Variants in HYAL4 observed in about 807,000 individuals in gnomAD.
HYAL4 encodes the protein hyaluronidase 4.
A neutral mutation model predicts 35.2 loss-of-function variants in HYAL4; 37 were observed. That is an observed-to-expected ratio of 1.05 (90% CI 0.81 to 1.38). HYAL4 has a LOEUF of 1.38. Among genes scored for constraint, HYAL4 ranks in the 40% most tolerant of loss-of-function variants. The pLI is 0.00. For missense variants in HYAL4, 572 were observed against 572.4 expected, an observed-to-expected ratio of 1.00 and a Z score of 0.01; for synonymous variants, 198 against 203.2, an observed-to-expected ratio of 0.97 and a Z score of 0.22.
chr7:123,808,371 TACAC>T, the HYAL4 span, among the ~76,000 whole-genome samples: 7 of 150,524 alleles, frequency 4.7e-5, no homozygotes, highest in South Asian at 8.4e-4. Context: ...TAGAAATGTG[TACAC>T]ACACACACAC....
At chr7:123,774,607 A>G in the HYAL4 span, among the ~76,000 whole-genome samples, 1,871 of 152,234 alleles carry the variant, frequency 0.012, 38 homozygotes, top group African/African-American at 0.042. Flanking sequence ...TTGAAATGCA[A>G]AGCAGACTTT....
intron 1 of HYAL4, among the ~76,000 whole-genome samples, chr7:123,837,743 C>G (rs1012232163): frequency 3.4e-5 from 5 of 145,316 alleles, no homozygotes; most frequent in African/African-American, 1.3e-4. Context: ...TGTTCAATTC[C>G]CACCTATGAG....
intron 2 of HYAL4, among the ~76,000 whole-genome samples, chr7:123,864,424 A>G (rs868223131): frequency 1.3e-5 from 2 of 152,264 alleles, no homozygotes; most frequent in East Asian, 1.9e-4. Flanking sequence ...TCTACCTCCA[A>G]TATCTTGCTA....
the HYAL4 span, among the ~76,000 whole-genome samples, chr7:123,795,928 A>G: frequency 6.6e-6 from 1 of 152,222 alleles, no homozygotes; most frequent in African/African-American, 2.4e-5. Context: ...AATGGAGCAG[A>G]ATAAAACTGG....
At chr7:123,810,363 T>C in the HYAL4 span, among the ~76,000 whole-genome samples, 1 of 152,300 alleles carries the variant, frequency 6.6e-6, no homozygotes, top group Non-Finnish European at 1.5e-5. Flanking sequence ...TACTATAATA[T>C]TTGGTGTAAT....
intron 1 of HYAL4, among the ~76,000 whole-genome samples, chr7:123,832,635 G>T (rs1805903498): frequency 6.6e-6 from 1 of 151,340 alleles, no homozygotes; most frequent in African/African-American, 2.4e-5. Context: ...GAATAACTGG[G>T]ACTACAGGTG....
intron 2 of HYAL4, among the ~76,000 whole-genome samples, chr7:123,858,525 TCAAA>T (rs1721969751): frequency 6.6e-6 from 1 of 151,948 alleles, no homozygotes; most frequent in Admixed American, 6.6e-5. Flanking sequence ...TGTGAAAATG[TCAAA>T]CAGAGAAAGG....
the HYAL4 span, among the ~76,000 whole-genome samples, chr7:123,803,764 A>G: frequency 8.1e-4 from 123 of 152,278 alleles, no homozygotes; most frequent in African/African-American, 2.5e-3. Context: ...CCCCCAAATC[A>G]GTGTCTGTTA....
At chr7:123,796,530 T>A in the HYAL4 span, among the ~76,000 whole-genome samples, 3 of 152,168 alleles carry the variant, frequency 2.0e-5, no homozygotes, top group Non-Finnish European at 4.4e-5. Flanking sequence ...GGCCTAAAAA[T>A]CAGGCAGTCT....
chr7:123,840,703 A>T (rs1336703581), upstream of HYAL4, among the ~76,000 whole-genome samples: 1 of 151,916 alleles, frequency 6.6e-6, no homozygotes, highest in Non-Finnish European at 1.5e-5. Context: ...GGTCCTTCAC[A>T]TCCCTTGTAA....
chr7:123,855,573 A>G (rs1282224584), intron 2 of HYAL4, among the ~76,000 whole-genome samples: 2 of 152,152 alleles, frequency 1.3e-5, no homozygotes, highest in Non-Finnish European at 2.9e-5. Context: ...ATCTACTGTT[A>G]GTCTGATGGA....
At chr7:123,828,427 T>TACACACAC (rs34327472), upstream of HYAL4, among the ~76,000 whole-genome samples, 8,146 of 141,270 alleles carry the variant, frequency 0.058, 351 homozygotes, top group East Asian at 0.23. Flanking sequence ...TGTTCATAAT[T>TACACACAC]ACACACACAC....
chr7:123,786,328 G>T, the HYAL4 span, among the ~76,000 whole-genome samples: 1 of 152,274 alleles, frequency 6.6e-6, no homozygotes, highest in Non-Finnish European at 1.5e-5. Context: ...TGATGCTGAG[G>T]TTTGCTTGCA....
chr7:123,840,081 G>A (rs1444636031), upstream of HYAL4, among the ~76,000 whole-genome samples: 2 of 152,172 alleles, frequency 1.3e-5, no homozygotes, highest in African/African-American at 4.8e-5. Context: ...GGCTTGAATG[G>A]TATTGCCTAG....
upstream of HYAL4, among the ~76,000 whole-genome samples, chr7:123,842,129 C>A (rs959748676): frequency 6.6e-6 from 1 of 151,958 alleles, no homozygotes; most frequent in East Asian, 1.9e-4. Flanking sequence ...CTGTTGTGGG[C>A]ATTTAGTGCT....
At chr7:123,808,093 C>T in the HYAL4 span, among the ~76,000 whole-genome samples, 6 of 151,724 alleles carry the variant, frequency 4.0e-5, no homozygotes, top group African/African-American at 9.7e-5. Context: ...CTCAAGCTTT[C>T]GTGCAAACAA....
At chr7:123,842,203 T>C (rs537453494), upstream of HYAL4, among the ~76,000 whole-genome samples, 5 of 152,206 alleles carry the variant, frequency 3.3e-5, no homozygotes, top group South Asian at 1.0e-3. Flanking sequence ...GTTGTCTTTA[T>C]TCTCATTGGT....
At chr7:123,764,684 A>C in the HYAL4 span, among the ~76,000 whole-genome samples, 1 of 152,280 alleles carries the variant, frequency 6.6e-6, no homozygotes, top group African/African-American at 2.4e-5. Context: ...CTGCTAAATA[A>C]TCTTGGATCT....
At chr7:123,819,717 C>G in the HYAL4 span, among the ~76,000 whole-genome samples, 1 of 151,994 alleles carries the variant, frequency 6.6e-6, no homozygotes, top group Non-Finnish European at 1.5e-5. Context: ...ATTTCTGAGT[C>G]TCAGCTTCTC....
Sources: allele counts gnomAD v4.1 joint callset (sites outside exome capture counted in the v4.1 genomes callset), GRCh38; gene constraint gnomAD v4.1.1; transcripts MANE v1.5; gene names NCBI Gene and HGNC (gene_info 2026-07-23, HGNC 2026-07-21).